SLC22A4: variants seen among roughly 807,000 people sequenced by gnomAD.
The protein encoded by SLC22A4 is ET transporter.
Under a neutral mutation model 56.6 loss-of-function variants are expected in SLC22A4, and 39 were observed. The observed-to-expected ratio is 0.69, with a 90% CI of 0.53 to 0.90. SLC22A4 has a LOEUF of 0.90. SLC22A4 is among the 40% of genes least tolerant of loss of function. The probability of loss-of-function intolerance (pLI) is 0.00; values close to 1 mark genes in which losing one functional copy is unlikely to be tolerated. For synonymous variants in SLC22A4, 241 were observed against 281.4 expected (o/e 0.86, Z 1.44); for missense variants, 594 against 696.5 (o/e 0.85, Z 1.66).
intron 4 of SLC22A4, chr5:132,324,676 GT>G (rs1204498544): frequency 4.5e-6 from 2 of 444,580 alleles, no homozygotes; most frequent in Non-Finnish European, 9.4e-6. Flanking sequence ...CATCAGTCTA[GT>G]GGTTGGGGTA....
At chr5:132,340,028 A>G (rs1751156652) in intron 8 of SLC22A4, among the ~76,000 whole-genome samples, 1 of 148,020 alleles carries the variant, frequency 6.8e-6, no homozygotes, top group African/African-American at 2.5e-5. Flanking sequence ...CTTATAATTT[A>G]CTGATTTAAT....
intron 1 of SLC22A4, among the ~76,000 whole-genome samples, chr5:132,296,000 GAT>G (rs1430014399): frequency 1.3e-5 from 2 of 152,208 alleles, no homozygotes; most frequent in African/African-American, 4.8e-5. Context: ...CCTACCCTCA[GAT>G]GCCCATGGGG....
chr5:132,317,632 A>G (rs530997507), intron 3 of SLC22A4, among the ~76,000 whole-genome samples: 1 of 152,310 alleles, frequency 6.6e-6, no homozygotes. Flanking sequence ...TTTTGTGGAT[A>G]TATGTTTTTA....
At position 132,334,767 on chromosome 5, in the gene SLC22A4, T is replaced by A; in HGVS notation, c.1096T>A (p.Leu366Ile). The A allele has an allele frequency of 6.2e-7, 1 of 1,614,102 alleles. No homozygotes were observed. Among genetic ancestry groups the A allele is most frequent in the Non-Finnish European group, 8.5e-7 (1 of 1,179,964 alleles). The part of the protein sequence containing the change: ...YFALSLDAPN[L>I]HGDAYLNCFL... ...TGCTCTGTCTCTGGATGCTCCTAAT[T>A]TACATGGAGATGCCTACCTGAACTG... Residue 366 changes from leucine to isoleucine, a missense_variant, in exon 7 of 10, where the codon TTA (leucine) becomes ATA (isoleucine). Transcript: ENST00000200652.
At chr5:132,337,734 T>C (rs1751069283) in intron 8 of SLC22A4, among the ~76,000 whole-genome samples, 1 of 151,688 alleles carries the variant, frequency 6.6e-6, no homozygotes, top group Non-Finnish European at 1.5e-5. Context: ...TCATGTTCTT[T>C]GCCCCTTTTT....
At chr5:132,327,034 C>T (rs1278380845) in intron 4 of SLC22A4, among the ~76,000 whole-genome samples, 1 of 152,190 alleles carries the variant, frequency 6.6e-6, no homozygotes, top group South Asian at 2.1e-4. Flanking sequence ...GTTAATGTCA[C>T]CCCTTATGGT....
In SLC22A4 at chr5:132,336,047, A is replaced by G. The variant is rs145621018; in HGVS notation, c.1444+47A>G. On this transcript the variant is annotated intron_variant, in intron 8 of 9. Coordinates refer to ENST00000200652, the MANE Select transcript of SLC22A4 (RefSeq NM_003059.3). ...TGTTCTTCCTTTAAATTAGTTTTCA[A>G]TGTAAAAGTAAGATTTTCATTGTGA... The G allele has an allele frequency of 3.9e-3, 6,111 of 1,567,954 alleles. 22 individuals carry two copies. Among genetic ancestry groups the G allele is most frequent in the Non-Finnish European group, 4.9e-3 (5,527 of 1,138,424 alleles).
At position 132,308,372 on chromosome 5, in the gene SLC22A4, ATTTTTTTTTTTTTTTTTTTTTTT is replaced by A. The variant is rs56259514; in HGVS notation, c.394-3774_394-3752del. Among the ~76,000 whole-genome samples, 19 of 61,328 alleles carry A rather than the reference ATTTTTTTTTTTTTTTTTTTTTTT, an allele frequency of 3.1e-4. 1 individual carries two copies. In the East Asian group the frequency reaches 5.9e-3, roughly 19 times the overall value. 40.2% of individuals were successfully genotyped at this position (61,328 alleles called of 152,430 possible). ...TGTCAGTTGAATCAATGATTAAGCA[ATTTTTTTTTTTTTTTTTTTTTTT>A]TTTTTTTTTTTTTTACCAATTCACT... is the stretch of plus-strand genomic sequence containing the variant. On this transcript the variant is annotated intron_variant, in intron 1 of 9. Coordinates refer to ENST00000200652, the MANE Select transcript of SLC22A4 (RefSeq NM_003059.3).
At chr5:132,332,984 T>A (rs1473029898) in intron 6 of SLC22A4, among the ~76,000 whole-genome samples, 1 of 152,174 alleles carries the variant, frequency 6.6e-6, no homozygotes, top group Non-Finnish European at 1.5e-5. Flanking sequence ...TAATAAAAAA[T>A]TAGTCACTAG....
chr5:132,337,902 A>AT (rs34031485), intron 8 of SLC22A4, among the ~76,000 whole-genome samples: 95,961 of 144,710 alleles, frequency 0.66, 31,822 homozygotes, highest in African/African-American at 0.69. Context: ...TGTCCGGCTA[A>AT]TTTTTTTTTT....
intron 8 of SLC22A4, among the ~76,000 whole-genome samples, chr5:132,338,903 C>T (rs141858026): frequency 0.077 from 11,723 of 152,250 alleles, 577 homozygotes; most frequent in East Asian, 0.27. Context: ...TCCTCCTCAG[C>T]TTATGAAGAT....
At chr5:132,310,781 C>T (rs1580825286) in intron 1 of SLC22A4, among the ~76,000 whole-genome samples, 1 of 152,170 alleles carries the variant, frequency 6.6e-6, no homozygotes, top group Admixed American at 6.5e-5. Context: ...ACACTTCTTT[C>T]GGATCTCAGT....
rs139332157 is a variant in SLC22A4 at position 132,343,928 on chromosome 5, C to T, written c.*93C>T. ...TCCCACTGAAATGGACTGACTGTAA[C>T]GATTGACACCAAAATGAACCTTGCT... is the stretch of plus-strand genomic sequence containing the variant. On this transcript the variant is annotated 3_prime_UTR_variant, in exon 10 of 10. Transcript: ENST00000200652. 2,135 of 750,738 alleles carry T rather than the reference C, an allele frequency of 2.8e-3. 2 individuals carry two copies. Among genetic ancestry groups the T allele is most frequent in the Middle Eastern group, 0.011 (48 of 4,260 alleles). 46.5% of individuals were successfully genotyped at this position (750,738 alleles called of 1,614,324 possible). A position where few individuals can be genotyped will look rare whatever the true frequency, so the allele number is the denominator to read the frequency against.
At chr5:132,303,570 C>T (rs1749955065) in intron 1 of SLC22A4, among the ~76,000 whole-genome samples, 1 of 152,080 alleles carries the variant, frequency 6.6e-6, no homozygotes, top group Non-Finnish European at 1.5e-5. Context: ...GCCCATCCCC[C>T]ACCCATCCCT....
At chr5:132,296,727 C>T (rs571328902) in intron 1 of SLC22A4, among the ~76,000 whole-genome samples, 2 of 152,226 alleles carry the variant, frequency 1.3e-5, no homozygotes, top group African/African-American at 2.4e-5. Context: ...CATCCCGCGT[C>T]GATTCCTGGA....
intron 1 of SLC22A4, among the ~76,000 whole-genome samples, chr5:132,297,776 C>A (rs535139619): frequency 1.4e-4 from 22 of 152,102 alleles, no homozygotes; most frequent in Non-Finnish European, 2.4e-4. Flanking sequence ...AAGACCCCAT[C>A]TCTACAAAAA....
intron 8 of SLC22A4, among the ~76,000 whole-genome samples, chr5:132,336,314 A>T (rs1227864069): frequency 1.3e-5 from 2 of 152,208 alleles, no homozygotes; most frequent in Non-Finnish European, 2.9e-5. Flanking sequence ...ACCTGAGGCC[A>T]GGAGTTCAAG....
At chr5:132,326,873 C>A (rs1353599292) in intron 4 of SLC22A4, among the ~76,000 whole-genome samples, 1 of 152,242 alleles carries the variant, frequency 6.6e-6, no homozygotes, top group African/African-American at 2.4e-5. Flanking sequence ...CCAGCTGGGA[C>A]ACCAGCAATT....
intron 3 of SLC22A4, among the ~76,000 whole-genome samples, chr5:132,315,410 C>T (rs1476128350): frequency 6.6e-6 from 1 of 152,120 alleles, no homozygotes; most frequent in Non-Finnish European, 1.5e-5. Flanking sequence ...GTGGCATCCC[C>T]GGTTCTATAG....
Sources: gnomAD v4.1 joint callset for allele counts (sites outside exome capture counted in the v4.1 genomes callset) on GRCh38, gnomAD v4.1.1 for gene constraint, MANE v1.5 for transcripts, NCBI Gene and HGNC (gene_info 2026-07-23, HGNC 2026-07-21) for gene names.